Variants in HSD17B12 observed in about 807,000 individuals in gnomAD.
HSD17B12 encodes the protein hydroxysteroid 17-beta dehydrogenase 12, also known as very-long-chain 3-oxoacyl-CoA reductase.
A neutral mutation model predicts 39.3 loss-of-function variants in HSD17B12; 32 were observed. The observed-to-expected ratio is 0.81, with a 90% CI of 0.61 to 1.09. HSD17B12 has a LOEUF of 1.09. HSD17B12 is among the 50% of genes least tolerant of loss of function. The pLI, the probability that HSD17B12 is intolerant of heterozygous loss-of-function variation, is 0.00. For synonymous variants in HSD17B12, 150 were observed against 146.7 expected, an observed-to-expected ratio of 1.02 and a Z score of -0.16; for missense variants, 342 against 382.9, an observed-to-expected ratio of 0.89 and a Z score of 0.89.
chr11:43,810,825 G>C (rs531293736), intron 4 of HSD17B12, among the ~76,000 whole-genome samples: 1 of 152,022 alleles, frequency 6.6e-6, no homozygotes, highest in African/African-American at 2.4e-5. Flanking sequence ...GTTTTTCACT[G>C]AAAAAAATGT....
At chr11:43,854,124 T>A (rs1951558986) in intron 9 of HSD17B12, 1 of 152,222 alleles carries the variant, frequency 6.6e-6, no homozygotes, top group Non-Finnish European at 1.5e-5. Flanking sequence ...CTGTGTTTCT[T>A]CTAAAAAAGA....
chr11:43,809,538 G>T (rs1307277539), intron 4 of HSD17B12, among the ~76,000 whole-genome samples: 1 of 152,088 alleles, frequency 6.6e-6, no homozygotes, highest in Non-Finnish European at 1.5e-5. Flanking sequence ...CCTTTTATTG[G>T]CCAGGCGTGA....
rs540665706 is a variant in HSD17B12 at position 43,699,179 on chromosome 11, T to TA, written c.160+18195dup. Among the ~76,000 whole-genome samples the TA allele has an allele frequency of 2.5e-4, 38 of 152,276 alleles. No homozygotes were observed. The East Asian group carries it at 7.3e-3, about 29-fold the overall frequency. Reference sequence around the variant, plus strand: ...ACTTTCATAGCTTGACATAACTGTTTAAAGTCTCATTATTTTATTATAAGC... The same window carrying TA: ...ACTTTCATAGCTTGACATAACTGTTTAAAAGTCTCATTATTTTATTATAAGC... On this transcript the variant is annotated intron_variant, in intron 1 of 10. Transcript: ENST00000278353.
At chr11:43,708,652 A>C (rs1428319528) in intron 1 of HSD17B12, among the ~76,000 whole-genome samples, 1 of 152,224 alleles carries the variant, frequency 6.6e-6, no homozygotes, top group Non-Finnish European at 1.5e-5. Context: ...TTGTTGAAAA[A>C]GATAATTTCT....
chr11:43,669,501 A>C, the HSD17B12 span, among the ~76,000 whole-genome samples: 49 of 84,758 alleles, frequency 5.8e-4, 3 homozygotes, highest in East Asian at 9.3e-3. Flanking sequence ...ACTCTGTTTC[A>C]AAAAAAAAAA....
At chr11:43,614,289 A>G in the HSD17B12 span, among the ~76,000 whole-genome samples, 1 of 152,172 alleles carries the variant, frequency 6.6e-6, no homozygotes, top group Non-Finnish European at 1.5e-5. Flanking sequence ...TTCAATGACA[A>G]GTTTTTCTCT....
chr11:43,599,547 A>G, the HSD17B12 span, among the ~76,000 whole-genome samples: 3 of 151,970 alleles, frequency 2.0e-5, no homozygotes, highest in African/African-American at 7.3e-5. Context: ...CCCATTAGTT[A>G]TTTTTCCTGA....
intron 1 of HSD17B12, among the ~76,000 whole-genome samples, chr11:43,742,026 G>A (rs905940393): frequency 1.3e-4 from 19 of 148,252 alleles, no homozygotes; most frequent in South Asian, 2.1e-4. Context: ...GAGCCACCGC[G>A]CCCGGCAACT....
At chr11:43,564,878 C>G in the HSD17B12 span, among the ~76,000 whole-genome samples, 1 of 144,684 alleles carries the variant, frequency 6.9e-6, no homozygotes, top group Non-Finnish European at 1.5e-5. Context: ...ACAGGCAGAA[C>G]GGGTTGAGTC....
the HSD17B12 span, among the ~76,000 whole-genome samples, chr11:43,574,973 G>C: frequency 6.6e-6 from 1 of 152,184 alleles, no homozygotes; most frequent in Non-Finnish European, 1.5e-5. Flanking sequence ...GAGCAGAGGG[G>C]AAAGCCGCAG....
At chr11:43,765,981 G>C (rs1435265146) in intron 3 of HSD17B12, among the ~76,000 whole-genome samples, 1 of 152,030 alleles carries the variant, frequency 6.6e-6, no homozygotes, top group African/African-American at 2.4e-5. Context: ...GCCCGCCACT[G>C]CGCCCGGCTA....
chr11:43,656,907 T>C, the HSD17B12 span, among the ~76,000 whole-genome samples: 1 of 152,208 alleles, frequency 6.6e-6, no homozygotes. Flanking sequence ...TCTGTAGATG[T>C]CTATTAGGTC....
intron 1 of HSD17B12, among the ~76,000 whole-genome samples, chr11:43,682,820 G>T (rs1265842272): frequency 6.7e-6 from 1 of 148,582 alleles, no homozygotes; most frequent in Non-Finnish European, 1.5e-5. Context: ...GTCTCACTTT[G>T]TCACCCAGGC....
chr11:43,681,210 C>A, intron 1 of HSD17B12: 1 of 1,280,810 alleles, frequency 7.8e-7, no homozygotes, highest in Non-Finnish European at 1.0e-6. Flanking sequence ...TCGCTCAATC[C>A]TGGGAATCTA....
intron 4 of HSD17B12, among the ~76,000 whole-genome samples, chr11:43,811,018 G>A (rs1340523747): frequency 6.6e-6 from 1 of 152,088 alleles, no homozygotes; most frequent in African/African-American, 2.4e-5. Flanking sequence ...ATGTAAAGAT[G>A]GCATTGCGTG....
intron 3 of HSD17B12, among the ~76,000 whole-genome samples, chr11:43,774,999 C>T (rs1049412376): frequency 1.3e-4 from 20 of 152,176 alleles, no homozygotes; most frequent in African/African-American, 4.1e-4. Flanking sequence ...GGGCCTCACC[C>T]AATCAGGTGA....
At chr11:43,779,546 G>A (rs907044671) in intron 3 of HSD17B12, among the ~76,000 whole-genome samples, 2 of 152,114 alleles carry the variant, frequency 1.3e-5, no homozygotes, top group Non-Finnish European at 2.9e-5. Context: ...TTTGTGGCCC[G>A]AGATACCTTG....
At chr11:43,724,740 G>C (rs1320190460) in intron 1 of HSD17B12, among the ~76,000 whole-genome samples, 1 of 152,114 alleles carries the variant, frequency 6.6e-6, no homozygotes, top group Non-Finnish European at 1.5e-5. Context: ...CCATCACCTT[G>C]TGGGTTAGGG....
At chr11:43,754,473 G>A (rs1231180128) in intron 3 of HSD17B12, among the ~76,000 whole-genome samples, 2 of 152,172 alleles carry the variant, frequency 1.3e-5, no homozygotes, top group Admixed American at 6.5e-5. Flanking sequence ...CTACTCAGGA[G>A]GCTGAGGCAG....
Sources: gnomAD v4.1 joint callset for allele counts (sites outside exome capture counted in the v4.1 genomes callset) on GRCh38, gnomAD v4.1.1 for gene constraint, MANE v1.5 for transcripts, NCBI Gene and HGNC (gene_info 2026-07-23, HGNC 2026-07-21) for gene names.